Variants in GNA12 observed in about 807,000 individuals in gnomAD.
GNA12 encodes G protein subunit alpha 12.
A neutral mutation model predicts 26.0 loss-of-function variants in GNA12; 9 were observed. The observed-to-expected ratio is 0.35, with a 90% CI of 0.21 to 0.60. The LOEUF (loss-of-function observed/expected upper bound fraction) is 0.60. GNA12 is among the 20% of genes least tolerant of loss of function. The pLI, the probability that GNA12 is intolerant of heterozygous loss-of-function variation, is 0.78. For missense variants in GNA12, 405 were observed against 525.8 expected (o/e 0.77, Z 2.25); for synonymous variants, 264 against 219.6 (o/e 1.20, Z -1.79).
chr7:2,785,486 T>C (rs1792335256), intron 2 of GNA12, among the ~76,000 whole-genome samples: 1 of 152,196 alleles, frequency 6.6e-6, no homozygotes, highest in African/African-American at 2.4e-5. Flanking sequence ...CGGTCACACA[T>C]ATATACAGTA....
intron 2 of GNA12, among the ~76,000 whole-genome samples, chr7:2,739,489 A>G (rs986329192): frequency 3.0e-5 from 3 of 99,108 alleles, no homozygotes; most frequent in Admixed American, 1.1e-4. Context: ...ATATATATAT[A>G]TGTATATTAC....
At chr7:2,740,950 C>G (rs1790467700) in intron 2 of GNA12, among the ~76,000 whole-genome samples, 1 of 152,152 alleles carries the variant, frequency 6.6e-6, no homozygotes, top group Non-Finnish European at 1.5e-5. Context: ...GAAGCTAAGG[C>G]AGAAGAATGG....
chr7:2,746,684 G>A (rs1257767704), intron 2 of GNA12, among the ~76,000 whole-genome samples: 1 of 152,100 alleles, frequency 6.6e-6, no homozygotes, highest in African/African-American at 2.4e-5. Context: ...AGAACTGAAG[G>A]AAATAGAGAC....
At chr7:2,804,376 C>T (rs140462089) in intron 1 of GNA12, among the ~76,000 whole-genome samples, 1,940 of 152,212 alleles carry the variant, frequency 0.013, 44 homozygotes, top group African/African-American at 0.044. Context: ...TGTGTGTATG[C>T]GTAAACCCAT....
chr7:2,777,602 C>T (rs1049110925), intron 2 of GNA12, among the ~76,000 whole-genome samples: 40 of 152,150 alleles, frequency 2.6e-4, no homozygotes, highest in African/African-American at 9.4e-4. Flanking sequence ...GACATCAGAG[C>T]TTCTCTCTCT....
intron 2 of GNA12, chr7:2,762,725 C>G (rs1352513800): frequency 1.9e-6 from 3 of 1,559,120 alleles, no homozygotes; most frequent in African/African-American, 1.4e-5. Flanking sequence ...GAAGCAGGCC[C>G]CATGTCCTCC....
intron 2 of GNA12, among the ~76,000 whole-genome samples, chr7:2,743,504 T>C (rs1004392792): frequency 1.3e-5 from 2 of 152,136 alleles, no homozygotes; most frequent in African/African-American, 2.4e-5. Flanking sequence ...TCAATTAGGT[T>C]AAAAATGCTC....
intron 2 of GNA12, among the ~76,000 whole-genome samples, chr7:2,790,305 G>A (rs913060238): frequency 6.6e-6 from 1 of 152,200 alleles, no homozygotes; most frequent in African/African-American, 2.4e-5. Flanking sequence ...TGCAATCAGT[G>A]CAGTGGCGCG....
intron 2 of GNA12, among the ~76,000 whole-genome samples, chr7:2,788,456 G>A (rs531130074): frequency 2.0e-5 from 3 of 152,300 alleles, no homozygotes; most frequent in South Asian, 2.1e-4. Context: ...GGACAGGAGC[G>A]CACACTCTGG....
chr7:2,786,646 G>A (rs1034263933), intron 2 of GNA12, among the ~76,000 whole-genome samples: 1 of 152,200 alleles, frequency 6.6e-6, no homozygotes, highest in Admixed American at 6.5e-5. Flanking sequence ...CATGCACCTG[G>A]TAGGGGCTGG....
intron 1 of GNA12, among the ~76,000 whole-genome samples, chr7:2,804,573 A>G (rs1184224617): frequency 6.6e-6 from 1 of 152,194 alleles, no homozygotes; most frequent in Non-Finnish European, 1.5e-5. Flanking sequence ...GGTTTTGTGA[A>G]AAACTGATAA....
At chr7:2,795,199 G>A (rs1792628149) in intron 1 of GNA12, 56 bp from the exon 2 acceptor site, 10 of 1,298,432 alleles carry the variant, frequency 7.7e-6, no homozygotes, top group African/African-American at 1.5e-5. Context: ...ACTAAACCAC[G>A]CTAGAGAAGC....
chr7:2,830,979 C>G (rs1275595045), intron 1 of GNA12, among the ~76,000 whole-genome samples: 1 of 151,984 alleles, frequency 6.6e-6, no homozygotes, highest in African/African-American at 2.4e-5. Flanking sequence ...ACAAAAGCTC[C>G]CAATGCACAG....
At chr7:2,752,185 G>A (rs934750982) in intron 2 of GNA12, among the ~76,000 whole-genome samples, 3 of 151,898 alleles carry the variant, frequency 2.0e-5, no homozygotes, top group African/African-American at 4.8e-5. Flanking sequence ...AAAAAAATAC[G>A]AATGTTTCAA....
At chr7:2,775,176 G>C (rs1035996070) in intron 2 of GNA12, 4 of 152,232 alleles carry the variant, frequency 2.6e-5, no homozygotes, top group African/African-American at 9.7e-5. Flanking sequence ...CAGCTCCCTA[G>C]CTCTCCTTTC....
chr7:2,763,602 G>A (rs1229789505), intron 2 of GNA12, among the ~76,000 whole-genome samples: 1 of 152,218 alleles, frequency 6.6e-6, no homozygotes, highest in African/African-American at 2.4e-5. Flanking sequence ...TTATTTTAAG[G>A]TCTAAAATAT....
chr7:2,739,058 C>CAG lies in GNA12; in HGVS notation c.526-5559_526-5558dup, dbSNP rs1790364426. 4.6e-5 allele frequency among the ~76,000 whole-genome samples: 7 copies of CAG among 152,344 alleles called. No individual in the cohort carries two copies. The South Asian group carries it at 1.2e-3, about 27-fold the overall frequency. ...GGAGCAGCCTCTACAACTGTAAGCT[C>CAG]AGGCTCCGCAGGGTGTGTCCTCGGC... On this transcript the variant is annotated intron_variant, in intron 2 of 3. Transcript: ENST00000275364.
intron 2 of GNA12, among the ~76,000 whole-genome samples, chr7:2,767,164 A>G (rs1183240333): frequency 1.3e-5 from 2 of 152,170 alleles, no homozygotes; most frequent in Admixed American, 1.3e-4. Flanking sequence ...ATGATTTGCA[A>G]ATATTTTTCC....
At chr7:2,816,085 G>A (rs1397221419) in intron 1 of GNA12, among the ~76,000 whole-genome samples, 1 of 152,248 alleles carries the variant, frequency 6.6e-6, no homozygotes, top group African/African-American at 2.4e-5. Context: ...ACACAGTGCA[G>A]CACTGTTGGT....
Sources: gnomAD v4.1 joint callset for allele counts (sites outside exome capture counted in the v4.1 genomes callset) on GRCh38, gnomAD v4.1.1 for gene constraint, MANE v1.5 for transcripts, NCBI Gene and HGNC (gene_info 2026-07-23, HGNC 2026-07-21) for gene names.